ARPP21: variants seen among roughly 807,000 people sequenced by gnomAD.
The protein encoded by ARPP21 is cAMP-regulated phosphoprotein 21.
In ARPP21, 69 loss-of-function variants were observed where a neutral mutation model predicts 113.2. The ratio of observed to expected loss-of-function variants is 0.61; its 90% confidence interval spans 0.50 to 0.74. ARPP21 has a LOEUF of 0.74. Among genes scored for constraint, ARPP21 ranks in the 30% least tolerant of loss-of-function variants. The pLI, the probability that ARPP21 is intolerant of heterozygous loss-of-function variation, is 0.00. For synonymous variants in ARPP21, 368 were observed against 375.5 expected (o/e 0.98, Z 0.23); for missense variants, 1,070 against 1,037.4 (o/e 1.03, Z -0.43).
chr3:35,743,916 G>A lies in ARPP21; in HGVS notation c.2088G>A (p.Gln696=). 3 of 1,614,144 alleles carry A rather than the reference G, an allele frequency of 1.9e-6. No individual in the cohort carries two copies. The highest frequency in any genetic ancestry group is 2.5e-6 in the Non-Finnish European group (3 of 1,179,972). Residue 696 remains glutamine (Q), a synonymous_variant, in exon 19 of 21, where the codon CAG becomes CAA. Coordinates refer to ENST00000684406, the MANE Select transcript of ARPP21 (RefSeq NM_001385562.1). ...AGTACCGGCCCATGGCCCCGGTTCA[G>A]TACAACGCTCAGAGGAGTCAACAGA... ...TQQYRPMAPV[Q]YNAQRSQQMP... is the part of the protein sequence containing the mutation.
At position 35,743,923 on chromosome 3, in the gene ARPP21, G is replaced by A. The variant is rs140987024; in HGVS notation, c.2095G>A (p.Ala699Thr). The change falls in exon 19 of 21, where the codon GCT becomes ACT. Residue 699 changes from alanine to threonine, a missense_variant. By Grantham distance (58) the Ala-to-Thr change is moderately conservative. Transcript: ENST00000684406. ...GCCCATGGCCCCGGTTCAGTACAAC[G>A]CTCAGAGGAGTCAACAGATGCCACA... ...YRPMAPVQYNAQRSQQMPQAA... is the reference protein window; with the variant it reads ...YRPMAPVQYNTQRSQQMPQAA... 119 of 1,613,958 alleles carry A rather than the reference G, an allele frequency of 7.4e-5. No homozygotes were observed. The highest frequency in any genetic ancestry group is 9.3e-5 in the Non-Finnish European group (110 of 1,179,968).
intron 7 of ARPP21, 118 bp downstream of exon 7, chr3:35,689,503 T>C: frequency 3.3e-6 from 2 of 609,942 alleles, no homozygotes; most frequent in South Asian, 2.1e-5. Flanking sequence ...TTCCCTGACG[T>C]CTTAAACTGT....
At chr3:35,671,418 A>T (rs991080080) in intron 1 of ARPP21, among the ~76,000 whole-genome samples, 2 of 152,170 alleles carry the variant, frequency 1.3e-5, no homozygotes, top group African/African-American at 4.8e-5. Context: ...GATTTCTTGA[A>T]CACTTACATT....
chr3:35,773,603 TAA>T (rs2096270284), intron 19 of ARPP21, among the ~76,000 whole-genome samples: 1 of 152,176 alleles, frequency 6.6e-6, no homozygotes, highest in South Asian at 2.1e-4. Context: ...CACACCTAGG[TAA>T]AGTGGTTGTA....
chr3:35,758,233 A>G (rs1158346345), intron 19 of ARPP21, among the ~76,000 whole-genome samples: 2 of 152,104 alleles, frequency 1.3e-5, no homozygotes, highest in East Asian at 1.9e-4. Context: ...ATATTTCTCC[A>G]TGCAGTCCTT....
rs911567727 is a variant in ARPP21 at position 35,738,260 on chromosome 3, C to T, written c.1691C>T (p.Ala564Val). 6.5e-7 allele frequency: 1 copy of T among 1,536,362 alleles called. No homozygotes were observed. The highest frequency in any genetic ancestry group is 1.2e-5 in the South Asian group (1 of 84,056). ...TCCTCCCAGTCAGTGCAATATCCAGCAGTCTCTTTTCCTCCCCAGCACCTC... is the reference window on the plus strand; with the variant it reads ...TCCTCCCAGTCAGTGCAATATCCAGTAGTCTCTTTTCCTCCCCAGCACCTC... The part of the protein sequence containing the change: ...QASSQSVQYP[A>V]VSFPPQHLLP... Residue 564 changes from alanine (A) to valine (V), a missense_variant, in exon 17 of 21, where the codon GCA becomes GTA. Ala to Val is a moderately conservative substitution (Grantham distance 64, BLOSUM62 0). Transcript: ENST00000684406.
intron 19 of ARPP21, among the ~76,000 whole-genome samples, chr3:35,753,803 A>G (rs1186581129): frequency 6.6e-6 from 1 of 151,966 alleles, no homozygotes; most frequent in Non-Finnish European, 1.5e-5. Flanking sequence ...AAATAAGGTT[A>G]TTGCCTCTTT....
intron 19 of ARPP21, among the ~76,000 whole-genome samples, chr3:35,758,450 C>T (rs6550369): frequency 0.28 from 42,829 of 151,830 alleles, 6,211 homozygotes; most frequent in African/African-American, 0.34. Context: ...GGGCTTTTGT[C>T]TTTTTAATTT....
intron 18 of ARPP21, 44 bp from the exon 19 acceptor site, chr3:35,743,795 A>G (rs367634299): frequency 6.4e-5 from 102 of 1,598,300 alleles, no homozygotes; most frequent in Non-Finnish European, 8.5e-5. Context: ...AATTTACATT[A>G]TCTACATTTT....
chr3:35,701,818 A>T (rs900713031), intron 9 of ARPP21, among the ~76,000 whole-genome samples: 6 of 151,450 alleles, frequency 4.0e-5, no homozygotes, highest in African/African-American at 1.2e-4. Flanking sequence ...ATCATAATTA[A>T]ATCTGATATT....
At chr3:35,727,019 A>G (rs150565238) in intron 14 of ARPP21, among the ~76,000 whole-genome samples, 2,844 of 152,304 alleles carry the variant, frequency 0.019, 34 homozygotes, top group Non-Finnish European at 0.026. Context: ...TCAGTGATAT[A>G]GTCTCAAAAC....
chr3:35,792,190 C>T (rs1170622644), intron 19 of ARPP21, 192 bp from the exon 20 acceptor site: 2 of 597,314 alleles, frequency 3.3e-6, no homozygotes, highest in African/African-American at 1.8e-5. Flanking sequence ...ATTTTTAAAG[C>T]CATAATCTTG....
At chr3:35,747,981 G>C (rs1312120603) in intron 19 of ARPP21, among the ~76,000 whole-genome samples, 1 of 146,168 alleles carries the variant, frequency 6.8e-6, no homozygotes, top group Non-Finnish European at 1.5e-5. Context: ...GAGAGAGGGA[G>C]GGAAGGAGGA....
chr3:35,709,733 G>A (rs1325933116), intron 11 of ARPP21, among the ~76,000 whole-genome samples: 2 of 152,158 alleles, frequency 1.3e-5, no homozygotes, highest in Non-Finnish European at 2.9e-5. Context: ...GGATTTAAAT[G>A]CAAGGAAAAG....
intron 19 of ARPP21, among the ~76,000 whole-genome samples, chr3:35,747,890 T>A (rs1295813782): frequency 1.4e-5 from 2 of 146,018 alleles, no homozygotes; most frequent in Admixed American, 1.4e-4. Flanking sequence ...CCAGCCTAGG[T>A]GACAGAGCGA....
chr3:35,724,282 C>T (rs2093358429), intron 14 of ARPP21, among the ~76,000 whole-genome samples: 1 of 152,180 alleles, frequency 6.6e-6, no homozygotes, highest in Non-Finnish European at 1.5e-5. Flanking sequence ...ATCCTCCTTA[C>T]CGAAAGCACT....
intron 10 of ARPP21, chr3:35,707,381 T>C (rs1576106503): frequency 1.8e-6 from 1 of 562,744 alleles, no homozygotes; most frequent in South Asian, 1.5e-5. Flanking sequence ...CTCCGAGCTG[T>C]GGAGAAAAGC....
intron 19 of ARPP21, among the ~76,000 whole-genome samples, chr3:35,753,717 GT>G (rs763045752): frequency 1.2e-4 from 18 of 151,996 alleles, no homozygotes; most frequent in Admixed American, 2.0e-4. Context: ...AACGTGTTTA[GT>G]TTTTTTGTTC....
intron 10 of ARPP21, chr3:35,707,336 C>T (rs2089511910): frequency 3.2e-6 from 2 of 624,078 alleles, no homozygotes; most frequent in South Asian, 1.5e-5. Flanking sequence ...GGCGCAGTTT[C>T]CGCTGCATGT....
Sources: allele counts gnomAD v4.1 joint callset (sites outside exome capture counted in the v4.1 genomes callset), GRCh38; gene constraint gnomAD v4.1.1; transcripts MANE v1.5; gene names NCBI Gene and HGNC (gene_info 2026-07-23, HGNC 2026-07-21).